Variants in DENND1A observed in about 807,000 individuals in gnomAD.
DENND1A encodes the protein DENN domain containing 1A.
DENND1A carries 51 observed loss-of-function variants against 113.7 expected under a neutral mutation model. That is an observed-to-expected ratio of 0.45 (90% confidence interval 0.36 to 0.57). The LOEUF (loss-of-function observed/expected upper bound fraction) is 0.57. DENND1A is among the 20% of genes least tolerant of loss of function. The pLI is 0.00. For synonymous variants in DENND1A, 565 were observed against 570.8 expected, an observed-to-expected ratio of 0.99 and a Z score of 0.14; for missense variants, 1,258 against 1,395.9, an observed-to-expected ratio of 0.90 and a Z score of 1.57.
intron 12 of DENND1A, among the ~76,000 whole-genome samples, chr9:123,571,189 T>C (rs2058339134): frequency 6.6e-6 from 1 of 152,138 alleles, no homozygotes; most frequent in Non-Finnish European, 1.5e-5. Flanking sequence ...AAGTAACCCT[T>C]TGCTCATGTA....
intron 2 of DENND1A, among the ~76,000 whole-genome samples, chr9:123,796,463 C>A (rs575383757): frequency 9.2e-5 from 14 of 152,242 alleles, no homozygotes; most frequent in African/African-American, 3.4e-4. Flanking sequence ...CTTCTTCCAT[C>A]TCAACAGTCT....
chr9:123,407,199 G>A (rs2043934502), intron 20 of DENND1A, among the ~76,000 whole-genome samples: 2 of 151,840 alleles, frequency 1.3e-5, no homozygotes, highest in Admixed American at 6.6e-5. Flanking sequence ...CTGGAGCCTC[G>A]GAGGCTGGGG....
rs190768244 is a variant in DENND1A at position 123,636,063 on chromosome 9, G to A, written c.619-5587C>T. On this transcript the variant is annotated intron_variant, in intron 9 of 23. Coordinates refer to ENST00000394215, the MANE Select transcript of DENND1A (RefSeq NM_001352964.2). ...TTACCTTCTTCACCTGTACTAAGCC[G>A]AAGCAAATCAGGGTCTGTCTTTAAG... is the stretch of plus-strand genomic sequence containing the variant. Among the ~76,000 whole-genome samples, 273 of 152,234 alleles carry A rather than the reference G, an allele frequency of 1.8e-3. 1 individual carries two copies. Among genetic ancestry groups the A allele is most frequent in the Non-Finnish European group, 3.2e-3 (220 of 68,016 alleles).
intron 21 of DENND1A, among the ~76,000 whole-genome samples, chr9:123,398,598 T>C (rs2043258961): frequency 1.3e-5 from 2 of 150,686 alleles, no homozygotes; most frequent in Admixed American, 6.6e-5. Context: ...AGGATGGTCT[T>C]GATCTCCTGA....
rs1274254007 is a variant in DENND1A, at chr9:123,468,415, CT to C, written c.994-10519del. Reference sequence around the variant, plus strand: ...CCAGTGCAGCTAAGGCGGACAACCCCTGGTACAGGTGAAAGTGACCAGCACA... The same window carrying C: ...CCAGTGCAGCTAAGGCGGACAACCCCGGTACAGGTGAAAGTGACCAGCACA... On this transcript the variant is annotated intron_variant, in intron 13 of 23. Transcript: ENST00000394215. Among the ~76,000 whole-genome samples the C allele has an allele frequency of 2.6e-5, 4 of 152,338 alleles. No individual in the cohort carries two copies. In the East Asian group the frequency reaches 7.7e-4, roughly 29 times the overall value.
At chr9:123,837,568 C>T (rs1564365691) in intron 2 of DENND1A, among the ~76,000 whole-genome samples, 1 of 152,056 alleles carries the variant, frequency 6.6e-6, no homozygotes, top group Non-Finnish European at 1.5e-5. Context: ...AAACGTTATA[C>T]ATATGTAGTT....
chr9:123,512,157 T>A (rs758663795), intron 13 of DENND1A, among the ~76,000 whole-genome samples: 1 of 152,190 alleles, frequency 6.6e-6, no homozygotes, highest in African/African-American at 2.4e-5. Context: ...TGCCAAAGAA[T>A]TGATTAGTCA....
intron 23 of DENND1A, among the ~76,000 whole-genome samples, chr9:123,382,839 A>G (rs1346283227): frequency 6.6e-6 from 1 of 152,242 alleles, no homozygotes; most frequent in Admixed American, 6.5e-5. Context: ...GGAACTCAAG[A>G]CAAAGCTCTC....
chr9:123,775,960 A>T (rs944516411), intron 3 of DENND1A, among the ~76,000 whole-genome samples: 4 of 152,160 alleles, frequency 2.6e-5, no homozygotes, highest in Admixed American at 2.0e-4. Context: ...TTTGTGCCTT[A>T]ATGACAACTT....
chr9:123,440,304 A>G (rs2046828997), intron 19 of DENND1A, 56 bp downstream of exon 19: 1 of 1,547,906 alleles, frequency 6.5e-7, no homozygotes, highest in South Asian at 1.2e-5. Context: ...TACTGCTGCT[A>G]AAAACAAAAA....
chr9:123,802,203 T>C (rs1037026917), intron 2 of DENND1A, among the ~76,000 whole-genome samples: 1 of 152,190 alleles, frequency 6.6e-6, no homozygotes, highest in African/African-American at 2.4e-5. Context: ...TGCAACCGAA[T>C]GCTCACTTCC....
intron 1 of DENND1A, among the ~76,000 whole-genome samples, chr9:123,892,243 C>T (rs543472246): frequency 1.3e-5 from 2 of 152,128 alleles, no homozygotes; most frequent in Admixed American, 1.3e-4. Context: ...TCCCCCCAGC[C>T]GAAGTGGAAA....
chr9:123,487,164 T>C (rs764212762), intron 13 of DENND1A, among the ~76,000 whole-genome samples: 6 of 152,170 alleles, frequency 3.9e-5, no homozygotes, highest in Non-Finnish European at 8.8e-5. Flanking sequence ...AGTCTAGACA[T>C]CATTTGAGCT....
intron 5 of DENND1A, among the ~76,000 whole-genome samples, chr9:123,749,630 C>T (rs2069829178): frequency 6.6e-6 from 1 of 152,300 alleles, no homozygotes; most frequent in African/African-American, 2.4e-5. Context: ...TCCTGCCTTC[C>T]ACTCCAAATC....
chr9:123,555,214 T>C (rs1015085337), intron 13 of DENND1A, among the ~76,000 whole-genome samples: 3 of 152,152 alleles, frequency 2.0e-5, no homozygotes, highest in African/African-American at 4.8e-5. Context: ...TCTTCTGAGT[T>C]CCCATAACAC....
chr9:123,769,978 G>C (rs969102579), intron 3 of DENND1A, among the ~76,000 whole-genome samples: 1 of 152,206 alleles, frequency 6.6e-6, no homozygotes. Context: ...CCTAGGAACA[G>C]AGGGGGCCAG....
chr9:123,504,664 C>T (rs564209997), intron 13 of DENND1A, among the ~76,000 whole-genome samples: 1 of 152,198 alleles, frequency 6.6e-6, no homozygotes, highest in Non-Finnish European at 1.5e-5. Flanking sequence ...TGGAGACCTG[C>T]TGACCCCGTG....
At chr9:123,897,298 G>A (rs909657788) in intron 1 of DENND1A, among the ~76,000 whole-genome samples, 1 of 152,184 alleles carries the variant, frequency 6.6e-6, no homozygotes, top group African/African-American at 2.4e-5. Flanking sequence ...TAGACTCAAG[G>A]CAGCCCAAAT....
At chr9:123,597,085 T>C (rs2059727725) in intron 11 of DENND1A, among the ~76,000 whole-genome samples, 2 of 152,178 alleles carry the variant, frequency 1.3e-5, no homozygotes, top group African/African-American at 4.8e-5. Flanking sequence ...TATCATAAAA[T>C]AGGACCTCAT....
Sources: gnomAD v4.1 joint callset for allele counts (sites outside exome capture counted in the v4.1 genomes callset) on GRCh38, gnomAD v4.1.1 for gene constraint, MANE v1.5 for transcripts, NCBI Gene and HGNC (gene_info 2026-07-23, HGNC 2026-07-21) for gene names.